The following GPC5 variants were observed in gnomAD, a reference collection of about 807,000 sequenced individuals.
The protein encoded by GPC5 is glypican-5.
A neutral mutation model predicts 53.9 loss-of-function variants in GPC5; 47 were observed. The ratio of observed to expected loss-of-function variants is 0.87; its 90% CI spans 0.69 to 1.11. The LOEUF (loss-of-function observed/expected upper bound fraction) is 1.11. GPC5 is among the 50% of genes most tolerant of loss of function. The pLI, the probability that GPC5 is intolerant of heterozygous loss-of-function variation, is 0.00. For synonymous variants in GPC5, 286 were observed against 263.3 expected, an observed-to-expected ratio of 1.09 and a Z score of -0.84; for missense variants, 748 against 713.1, an observed-to-expected ratio of 1.05 and a Z score of -0.56.
At position 91,689,726 on chromosome 13, in the gene GPC5, C is replaced by T. The variant is rs146024276; in HGVS notation, c.326-3461C>T. On this transcript the variant is annotated intron_variant, in intron 2 of 7. Transcript: ENST00000377067. The stretch of plus-strand genomic sequence containing the variant: ...CAGGATCATCAATATCACCGTCTTC[C>T]GCCTCCACATCTTGTTGCACTGGAA... Among the ~76,000 whole-genome samples the T allele has an allele frequency of 1.3e-3, 195 of 152,050 alleles. 1 individual carries two copies. Among genetic ancestry groups the T allele is most frequent in the Non-Finnish European group, 2.2e-3 (152 of 67,996 alleles).
At chr13:91,403,878 A>AAGAATG (rs545287395) in intron 1 of GPC5, among the ~76,000 whole-genome samples, 1 of 152,192 alleles carries the variant, frequency 6.6e-6, no homozygotes, top group African/African-American at 2.4e-5. Context: ...CATGGGGTTA[A>AAGAATG]TTATAACTAT....
At chr13:91,580,808 A>G (rs2032333245) in intron 2 of GPC5, among the ~76,000 whole-genome samples, 1 of 152,174 alleles carries the variant, frequency 6.6e-6, no homozygotes, top group Non-Finnish European at 1.5e-5. Context: ...GCCCATATTC[A>G]TATATTCATT....
At chr13:91,872,088 G>A (rs140681424) in intron 5 of GPC5, among the ~76,000 whole-genome samples, 3,609 of 152,134 alleles carry the variant, frequency 0.024, 62 homozygotes, top group Non-Finnish European at 0.037. Context: ...ATCTCTCTGG[G>A]AAAATGTCCT....
chr13:92,028,630 T>C (rs1341215326), intron 6 of GPC5, among the ~76,000 whole-genome samples: 3 of 152,178 alleles, frequency 2.0e-5, no homozygotes, highest in Non-Finnish European at 4.4e-5. Flanking sequence ...TCATATTTTA[T>C]GTTTGTATTT....
intron 5 of GPC5, among the ~76,000 whole-genome samples, chr13:91,795,677 G>A (rs905098670): frequency 3.9e-5 from 6 of 152,050 alleles, no homozygotes; most frequent in African/African-American, 7.2e-5. Context: ...ATGGGTCATA[G>A]CTTGCGAGTA....
chr13:92,627,924 C>T (rs1566328813), intron 7 of GPC5, among the ~76,000 whole-genome samples: 3 of 152,160 alleles, frequency 2.0e-5, no homozygotes. Context: ...TATTTTCTTC[C>T]TGGACAGTAT....
At chr13:92,673,857 T>C (rs1219583096) in intron 7 of GPC5, among the ~76,000 whole-genome samples, 1 of 152,104 alleles carries the variant, frequency 6.6e-6, no homozygotes, top group Non-Finnish European at 1.5e-5. Context: ...AAAAACACTT[T>C]TCAAATCAAG....
At chr13:92,247,516 AC>A (rs1938592107) in intron 7 of GPC5, among the ~76,000 whole-genome samples, 1 of 152,136 alleles carries the variant, frequency 6.6e-6, no homozygotes, top group African/African-American at 2.4e-5. Context: ...ATAAATTATG[AC>A]TATAGTTCAA....
intron 2 of GPC5, among the ~76,000 whole-genome samples, chr13:91,615,674 C>T (rs1218283356): frequency 6.6e-6 from 1 of 152,138 alleles, no homozygotes; most frequent in Non-Finnish European, 1.5e-5. Flanking sequence ...AAGAATTCTA[C>T]TGCACAGTGA....
chr13:91,840,019 A>G (rs1319882989), intron 5 of GPC5, among the ~76,000 whole-genome samples: 1 of 152,062 alleles, frequency 6.6e-6, no homozygotes, highest in Admixed American at 6.6e-5. Context: ...AGATCTACAT[A>G]TACATTCCTT....
rs1427930939 is a variant in GPC5, at chr13:92,853,609, T to TA, written c.1562-12669dup. Among the ~76,000 whole-genome samples the TA allele has an allele frequency of 6.6e-5, 10 of 152,074 alleles. No individual in the cohort carries two copies. In the East Asian group the frequency reaches 1.7e-3, roughly 26 times the overall value. On this transcript the variant is annotated intron_variant, in intron 7 of 7. Coordinates refer to ENST00000377067, the MANE Select transcript of GPC5 (RefSeq NM_004466.6). The stretch of plus-strand genomic sequence containing the variant: ...TTGGAGAAACAAAGGCTAGTAAGCT[T>TA]AAAACCTATGAAATTATCAACAAAG...
intron 2 of GPC5, among the ~76,000 whole-genome samples, chr13:91,478,818 T>TACAC (rs1396187427): frequency 9.9e-5 from 11 of 111,512 alleles, no homozygotes; most frequent in Non-Finnish European, 1.6e-4. Flanking sequence ...TATATATATA[T>TACAC]ATATACACAC....
intron 7 of GPC5, among the ~76,000 whole-genome samples, chr13:92,566,739 C>A (rs765920733): frequency 9.9e-5 from 15 of 152,044 alleles, no homozygotes; most frequent in Non-Finnish European, 1.6e-4. Flanking sequence ...AGAATTTATT[C>A]TTCAGTTGTA....
chr13:91,606,250 A>G (rs1175665860), intron 2 of GPC5, among the ~76,000 whole-genome samples: 1 of 151,494 alleles, frequency 6.6e-6, no homozygotes, highest in East Asian at 1.9e-4. Context: ...CATATGCTGG[A>G]TTACATTTAT....
At chr13:91,688,408 C>A (rs922259597) in intron 2 of GPC5, among the ~76,000 whole-genome samples, 1 of 151,862 alleles carries the variant, frequency 6.6e-6, no homozygotes. Flanking sequence ...CTTATGATCA[C>A]AGATATATAA....
At chr13:92,064,765 A>AAAAAAAAAAAAAAAAAAAAAC in intron 6 of GPC5, among the ~76,000 whole-genome samples, 1 of 148,316 alleles carries the variant, frequency 6.7e-6, no homozygotes, top group Non-Finnish European at 1.5e-5. Context: ...TCAAAAAAAA[A>AAAAAAAAAAAAAAAAAAAAAC]AAACAAAACA....
chr13:92,057,718 GATGGTATA>G (rs1439328226), intron 6 of GPC5, among the ~76,000 whole-genome samples: 2 of 152,146 alleles, frequency 1.3e-5, no homozygotes, highest in African/African-American at 4.8e-5. Context: ...GATCCAGAAT[GATGGTATA>G]ATGGTTTGAA....
chr13:92,105,041 C>A (rs778516541), intron 6 of GPC5, among the ~76,000 whole-genome samples: 6 of 151,800 alleles, frequency 4.0e-5, no homozygotes, highest in Non-Finnish European at 8.8e-5. Context: ...GCATCAGAAG[C>A]TTTGTTTTTG....
At chr13:92,067,083 G>GA (rs2041173410) in intron 6 of GPC5, among the ~76,000 whole-genome samples, 2 of 152,020 alleles carry the variant, frequency 1.3e-5, no homozygotes, top group South Asian at 4.1e-4. Context: ...CACTGTTGCT[G>GA]AAAATCATGA....
Sources: allele counts gnomAD v4.1 joint callset (sites outside exome capture counted in the v4.1 genomes callset), GRCh38; gene constraint gnomAD v4.1.1; transcripts MANE v1.5; gene names NCBI Gene and HGNC (gene_info 2026-07-23, HGNC 2026-07-21).